The following TNPO1 variants were observed in gnomAD, a reference collection of about 807,000 sequenced individuals.
TNPO1 encodes transportin-1.
TNPO1 carries 8 observed loss-of-function variants against 119.5 expected under a neutral mutation model. That is an observed-to-expected ratio of 0.07 (90% CI 0.04 to 0.12). The LOEUF (loss-of-function observed/expected upper bound fraction) is 0.12, where lower values mean the gene tolerates loss of function less well. Among genes scored for constraint, TNPO1 ranks in the 10% least tolerant of loss-of-function variants. The pLI, the probability that TNPO1 is intolerant of heterozygous loss-of-function variation, is 1.00. For missense variants in TNPO1, 576 were observed against 1,089.8 expected (o/e 0.53, Z 6.64); for synonymous variants, 362 against 363.0 (o/e 1.00, Z 0.03).
chr5:72,840,508 C>T (rs1355693282), intron 1 of TNPO1, among the ~76,000 whole-genome samples: 2 of 152,208 alleles, frequency 1.3e-5, no homozygotes, highest in African/African-American at 2.4e-5. Flanking sequence ...CCTAATCTGC[C>T]ACATACTAGC....
Position 72,893,363 on chromosome 5 carries a change from G to A in TNPO1, c.1897-14G>A. 6.2e-7 allele frequency: 1 copy of A among 1,610,186 alleles called. No individual in the cohort carries two copies. The highest frequency in any genetic ancestry group is 8.5e-7 in the Non-Finnish European group (1 of 1,178,812). ...TAAAACCAAACTTACAAAAAACATT[G>A]TGTCTAATTTCAGCTAAACAATGCT... On this transcript the variant is annotated splice_polypyrimidine_tract_variant and intron_variant, in intron 16 of 24. Transcript: ENST00000337273.
intron 4 of TNPO1, 108 bp downstream of exon 4, chr5:72,856,031 T>A (rs34660): frequency 0.84 from 1,012,453 of 1,201,950 alleles, 427,564 homozygotes; most frequent in Non-Finnish European, 0.86. Context: ...TTAAATTGTG[T>A]TGGGGAAACT....
At chr5:72,887,243 A>T in intron 12 of TNPO1, 21 bp downstream of exon 12, 1 of 1,186,520 alleles carries the variant, frequency 8.4e-7, no homozygotes, top group Non-Finnish European at 1.2e-6. Flanking sequence ...GTCCAGTTTG[A>T]ATTATGTAAG....
intron 1 of TNPO1, 186 bp from the exon 2 acceptor site, chr5:72,848,199 G>A: frequency 1.6e-6 from 2 of 1,237,022 alleles, no homozygotes; most frequent in Admixed American, 4.3e-5. Flanking sequence ...GCTGCCAGGA[G>A]CAGTTCCGCC....
intron 5 of TNPO1, among the ~76,000 whole-genome samples, chr5:72,863,890 C>T (rs906679403): frequency 9.9e-5 from 15 of 152,174 alleles, no homozygotes; most frequent in Admixed American, 2.6e-4. Flanking sequence ...AAATTTTAAG[C>T]AAGTGCTTTC....
At chr5:72,852,990 TTTATTTGA>T (rs1745698925) in intron 3 of TNPO1, among the ~76,000 whole-genome samples, 1 of 152,238 alleles carries the variant, frequency 6.6e-6, no homozygotes, top group Non-Finnish European at 1.5e-5. Context: ...ATCTAATTGT[TTTATTTGA>T]AATTTTTAAA....
rs551657863 is a variant in TNPO1, at chr5:72,863,867, TAAAAG to T, written c.463-1726_463-1722del. On this transcript the variant is annotated intron_variant, in intron 5 of 24. Transcript: ENST00000337273. ...GTGCTTTGGTGTGATGGTAATAACA[TAAAAG>T]AAGATCAAAATTTTAAGCAAGTGCT... Among the ~76,000 whole-genome samples, 3 of 152,148 alleles carry T rather than the reference TAAAAG, an allele frequency of 2.0e-5. No individual in the cohort carries two copies. In the South Asian group the frequency reaches 6.2e-4, roughly 32 times the overall value.
At chr5:72,881,786 C>T (rs936455070) in intron 9 of TNPO1, among the ~76,000 whole-genome samples, 1 of 152,174 alleles carries the variant, frequency 6.6e-6, no homozygotes, top group Non-Finnish European at 1.5e-5. Context: ...CAATTTTCTC[C>T]TTAAGGTCTG....
At chr5:72,846,903 G>T (rs927910853) in intron 1 of TNPO1, among the ~76,000 whole-genome samples, 1 of 152,114 alleles carries the variant, frequency 6.6e-6, no homozygotes, top group African/African-American at 2.4e-5. Context: ...AATATTTAAT[G>T]ATATACGAAG....
chr5:72,877,979 A>G (rs1253221071), intron 9 of TNPO1, among the ~76,000 whole-genome samples: 2 of 152,158 alleles, frequency 1.3e-5, no homozygotes, highest in Non-Finnish European at 2.9e-5. Flanking sequence ...GCCTATAGTT[A>G]GTGCTTAAAA....
At chr5:72,818,904 C>G (rs1309997997) in intron 1 of TNPO1, among the ~76,000 whole-genome samples, 1 of 152,136 alleles carries the variant, frequency 6.6e-6, no homozygotes, top group African/African-American at 2.4e-5. Flanking sequence ...TTAGTTGACC[C>G]TATTCAGCCA....
At chr5:72,844,839 A>G (rs191231996) in intron 1 of TNPO1, among the ~76,000 whole-genome samples, 7 of 152,216 alleles carry the variant, frequency 4.6e-5, no homozygotes, top group Admixed American at 6.5e-5. Context: ...AAGAAGCTAT[A>G]TATTTTTACT....
intron 1 of TNPO1, among the ~76,000 whole-genome samples, chr5:72,839,282 A>G (rs1159956282): frequency 2.0e-5 from 3 of 152,202 alleles, no homozygotes; most frequent in African/African-American, 7.2e-5. Context: ...GTTTACTTTT[A>G]TGAATGACTT....
chr5:72,890,731 T>C (rs867485741), intron 14 of TNPO1, among the ~76,000 whole-genome samples: 2 of 152,202 alleles, frequency 1.3e-5, no homozygotes, highest in Non-Finnish European at 2.9e-5. Flanking sequence ...GATCATTCTT[T>C]AGTTTGACAC....
chr5:72,865,454 A>C, intron 5 of TNPO1, 142 bp from the exon 6 acceptor site: 1 of 919,788 alleles, frequency 1.1e-6, no homozygotes, highest in Non-Finnish European at 1.6e-6. Context: ...AAAAAAATTG[A>C]AGGATTAAAT....
intron 3 of TNPO1, among the ~76,000 whole-genome samples, chr5:72,853,160 G>T (rs1745717682): frequency 6.6e-6 from 1 of 152,096 alleles, no homozygotes; most frequent in Non-Finnish European, 1.5e-5. Context: ...GGGATATAAG[G>T]ATACCTCAGG....
chr5:72,880,217 CAAG>C (rs1267723291), intron 9 of TNPO1, among the ~76,000 whole-genome samples: 3 of 152,162 alleles, frequency 2.0e-5, no homozygotes, highest in Middle Eastern at 6.8e-3. Context: ...ACCAGTGTAA[CAAG>C]GAGGATATTA....
chr5:72,853,504 A>T (rs1454260331), intron 3 of TNPO1, among the ~76,000 whole-genome samples: 1 of 152,232 alleles, frequency 6.6e-6, no homozygotes, highest in Middle Eastern at 3.2e-3. Flanking sequence ...TGCTTCCACA[A>T]AGACATTAAT....
intron 1 of TNPO1, among the ~76,000 whole-genome samples, chr5:72,836,189 GC>G (rs1744685159): frequency 6.6e-6 from 1 of 152,170 alleles, no homozygotes; most frequent in Non-Finnish European, 1.5e-5. Context: ...TAGGCTCTCT[GC>G]TGTATCCCCG....
Sources: gnomAD v4.1 joint callset for allele counts (sites outside exome capture counted in the v4.1 genomes callset) on GRCh38, gnomAD v4.1.1 for gene constraint, MANE v1.5 for transcripts, NCBI Gene and HGNC (gene_info 2026-07-23, HGNC 2026-07-21) for gene names.